Variants in LLGL2 observed in about 807,000 individuals in gnomAD.
LLGL2 encodes the protein LLGL scribble cell polarity complex component 2.
A neutral mutation model predicts 123.2 loss-of-function variants in LLGL2; 81 were observed. The ratio of observed to expected loss-of-function variants is 0.66; its 90% CI spans 0.55 to 0.79. The LOEUF (loss-of-function observed/expected upper bound fraction) is 0.79. Among genes scored for constraint, LLGL2 ranks in the 30% least tolerant of loss-of-function variants. The pLI, the probability that LLGL2 is intolerant of heterozygous loss-of-function variation, is 0.00. For missense variants in LLGL2, 1,273 were observed against 1,414.6 expected (o/e 0.90, Z 1.61); for synonymous variants, 577 against 594.1 (o/e 0.97, Z 0.42).
chr17:75,571,868 C>T, intron 18 of LLGL2, 30 bp from the exon 19 acceptor site: 3 of 1,609,506 alleles, frequency 1.9e-6, no homozygotes, highest in Non-Finnish European at 2.5e-6. Flanking sequence ...CACCCCCTCA[C>T]CAGCCCCAAC....
intron 2 of LLGL2, among the ~76,000 whole-genome samples, chr17:75,554,946 C>T (rs192342916): frequency 1.4e-3 from 211 of 147,228 alleles, no homozygotes; most frequent in African/African-American, 5.0e-3. Flanking sequence ...AATCCTAGCA[C>T]TTTGGGAGGC....
intron 1 of LLGL2, among the ~76,000 whole-genome samples, chr17:75,541,493 A>G (rs895771950): frequency 3.3e-5 from 5 of 152,174 alleles, no homozygotes; most frequent in African/African-American, 1.2e-4. Context: ...ACCTTGGATC[A>G]AGTGGGCCCT....
chr17:75,537,809 CT>C lies in LLGL2; in HGVS notation c.-30-5569del, dbSNP rs563954111. On this transcript the variant is annotated intron_variant, in intron 1 of 25. Transcript: ENST00000392550. ...ATGGGAAGGCTTTTTGGAAGGTGAC[CT>C]TTTTTTTTTTTTTTTTTTGAGACAG... is the stretch of plus-strand genomic sequence containing the variant. 5.3e-3 allele frequency among the ~76,000 whole-genome samples: 696 copies of C among 130,184 alleles called. 4 individuals are homozygous for C. The highest frequency in any genetic ancestry group is 8.4e-3 in the African/African-American group (286 of 34,170). The allele number at this position is 130,184 out of a possible 152,430, so 85.4% of individuals were successfully genotyped here.
chr17:75,532,137 A>G lies in LLGL2; in HGVS notation c.-31+6312A>G, dbSNP rs977929088. 8.4e-5 allele frequency among the ~76,000 whole-genome samples: 12 copies of G among 142,250 alleles called. No individual in the cohort carries two copies. In the South Asian group the frequency reaches 1.1e-3, roughly 13 times the overall value. The allele number at this position is 142,250 out of a possible 152,430, so 93.3% of individuals were successfully genotyped here. A position where few individuals can be genotyped will look rare whatever the true frequency, so the allele number is the denominator to read the frequency against. ...ACTCTGTGGCCCAGGTTGGAGTGCA[A>G]TGGCATGATTTCGGCTCACTGCAGT... On this transcript the variant is annotated intron_variant, in intron 1 of 25. Transcript: ENST00000392550.
At chr17:75,550,365 C>T (rs564502153) in intron 2 of LLGL2, among the ~76,000 whole-genome samples, 19 of 152,136 alleles carry the variant, frequency 1.2e-4, no homozygotes, top group African/African-American at 4.3e-4. Context: ...TGTTCCTGAA[C>T]CCTAAACAAG....
chr17:75,541,389 A>G (rs1465623949), intron 1 of LLGL2, among the ~76,000 whole-genome samples: 8 of 152,160 alleles, frequency 5.3e-5, no homozygotes, highest in Admixed American at 4.6e-4. Context: ...CCAGGCTGCA[A>G]TGCTGGGCCA....
At chr17:75,560,802 T>TAAAAAAAA (rs372940306) in intron 6 of LLGL2, among the ~76,000 whole-genome samples, 21 of 96,118 alleles carry the variant, frequency 2.2e-4, no homozygotes, top group Middle Eastern at 8.6e-3. Context: ...GTTTATTTAT[T>TAAAAAAAA]AAAAAAAAAA....
rs1404624901 is a variant in LLGL2, at chr17:75,574,230, G to C, written c.2923G>C (p.Val975Leu). 1 of 1,500,676 alleles carries C rather than the reference G, an allele frequency of 6.7e-7. No homozygotes were observed. The highest frequency in any genetic ancestry group is 2.6e-5 in the East Asian group (1 of 38,404). 93.0% of individuals were successfully genotyped at this position (1,500,676 alleles called of 1,614,324 possible). The change falls in exon 23 of 26, where the codon GTG becomes CTG. Residue 975 changes from valine to leucine, a missense_variant. Physicochemically the swap from Val to Leu is conservative, Grantham distance 32. Coordinates refer to ENST00000392550, the MANE Select transcript of LLGL2 (RefSeq NM_001031803.2). ...SDGEEKQPGL[V>L]MERALLSDER... is the part of the protein sequence containing the mutation. ...CCTTCCAGAGAAGCAGCCCGGCCTG[G>C]TGATGGAGCGCGCTCTGCTCAGTGA...
chr17:75,569,304 T>TGTGGCAGGCACGGCAGGGCAG lies in LLGL2; in HGVS notation c.1563_1581+2dup, dbSNP rs1433734281. On this transcript the variant is annotated inframe_insertion, in exon 14 of 26. Coordinates refer to ENST00000392550, the MANE Select transcript of LLGL2 (RefSeq NM_001031803.2). ...TCTGCAAGTACAGCGGCTACCTGGC[T>TGTGGCAGGCACGGCAGGGCAG]GTGGCAGGCACGGCAGGGCAGGTAG... 19 of 1,613,218 alleles carry TGTGGCAGGCACGGCAGGGCAG rather than the reference T, an allele frequency of 1.2e-5. No individual in the cohort carries two copies. Among genetic ancestry groups the TGTGGCAGGCACGGCAGGGCAG allele is most frequent in the Non-Finnish European group, 1.4e-5 (17 of 1,179,950 alleles).
chr17:75,564,247 CCTGCT>C lies in LLGL2; in HGVS notation c.882-104_882-100del. 1 of 1,519,388 alleles carries C rather than the reference CCTGCT, an allele frequency of 6.6e-7. No individual in the cohort carries two copies. Among genetic ancestry groups the C allele is most frequent in the Non-Finnish European group, 8.8e-7 (1 of 1,138,826 alleles). 94.1% of individuals were successfully genotyped at this position (1,519,388 alleles called of 1,614,324 possible). On this transcript the variant is annotated intron_variant, in intron 9 of 25. Coordinates refer to ENST00000392550, the MANE Select transcript of LLGL2 (RefSeq NM_001031803.2). This position sits in a 1 kb window ranked among gnomAD's most constrained non-coding sequence, Gnocchi z 4.9. ...TGGAAGGAGATGGGGTCCAGTCTCCCCTGCTCCTGGGGACCTTGACTGAGTGGTGA... is the reference window on the plus strand; with the variant it reads ...TGGAAGGAGATGGGGTCCAGTCTCCCCCTGGGGACCTTGACTGAGTGGTGA...
chr17:75,567,647 AAG>A (rs1345681250), intron 10 of LLGL2, among the ~76,000 whole-genome samples: 2 of 151,796 alleles, frequency 1.3e-5, no homozygotes, highest in East Asian at 1.9e-4. Context: ...TCAAAAAAAA[AAG>A]AGAAAAAAAA....
rs1020246160 is a variant in LLGL2 at position 75,535,649 on chromosome 17, C to T, written c.-30-7748C>T. Among the ~76,000 whole-genome samples the T allele has an allele frequency of 2.2e-4, 33 of 152,232 alleles. 1 individual carries two copies. The highest frequency in any genetic ancestry group is 6.3e-4 in the African/African-American group (26 of 41,472). On this transcript the variant is annotated intron_variant, in intron 1 of 25. Transcript: ENST00000392550. Reference sequence around the variant, plus strand: ...TCTGGCCTGGGGATCCCCTCTCCTCCGAGGCACAATCGCATCTGCCACTTA... The same window carrying T: ...TCTGGCCTGGGGATCCCCTCTCCTCTGAGGCACAATCGCATCTGCCACTTA...
At chr17:75,562,963 G>A in intron 6 of LLGL2, 53 bp from the exon 7 acceptor site, 16 of 1,597,860 alleles carry the variant, frequency 1.0e-5, no homozygotes, top group Non-Finnish European at 1.1e-5. Flanking sequence ...CATGCTGGGG[G>A]CCATTCCCCC....
intron 22 of LLGL2, 90 bp from the exon 23 acceptor site, chr17:75,574,123 G>T (rs1380637889): frequency 1.3e-6 from 2 of 1,536,954 alleles, no homozygotes; most frequent in East Asian, 4.9e-5. Context: ...CTGGGCCCTG[G>T]GCTTCCACAT....
intron 2 of LLGL2, among the ~76,000 whole-genome samples, chr17:75,550,064 G>A (rs572964115): frequency 3.4e-3 from 524 of 152,290 alleles, no homozygotes; most frequent in Middle Eastern, 6.8e-3. Flanking sequence ...TGGATGCCGC[G>A]CTTCGGAGGC....
At chr17:75,526,740 G>C (rs6501821) in intron 1 of LLGL2, among the ~76,000 whole-genome samples, 13,049 of 152,168 alleles carry the variant, frequency 0.086, 610 homozygotes, top group Non-Finnish European at 0.1. Flanking sequence ...TCTTGAAGGG[G>C]CTACAGAGAG....
At position 75,568,567 on chromosome 17, in the gene LLGL2, G is replaced by T. The variant is rs2055546017; in HGVS notation, c.1128G>T (p.Leu376=). 4 of 1,613,738 alleles carry T rather than the reference G, an allele frequency of 2.5e-6. No individual in the cohort carries two copies. The East Asian group carries it at 8.9e-5, about 36-fold the overall frequency. ...CAGCAGGCTGGCCACCGGTCCAGCT[G>T]CCCTACCTGGCTTCTCTGCACTGTT... ...LQTAGWPPVQ[L]PYLASLHCSA... Residue 376 remains leucine (L), a synonymous_variant, in exon 11 of 26, where the codon CTG becomes CTT. Transcript: ENST00000392550.
chr17:75,564,146 G>A lies in LLGL2; in HGVS notation c.882-207G>A, dbSNP rs1347760378. Among the ~76,000 whole-genome samples, 1 of 152,248 alleles carries A rather than the reference G, an allele frequency of 6.6e-6. No individual in the cohort carries two copies. The highest frequency in any genetic ancestry group is 1.5e-5 in the Non-Finnish European group (1 of 68,040). ...GGTGGGGGCACCCAGCATGAGGCAGGAGTGGCTGCTGAGACTCAGAGCCCC... is the reference window on the plus strand; with the variant it reads ...GGTGGGGGCACCCAGCATGAGGCAGAAGTGGCTGCTGAGACTCAGAGCCCC... On this transcript the variant is annotated intron_variant, in intron 9 of 25. Transcript: ENST00000392550. This position sits in a 1 kb window ranked among gnomAD's most constrained non-coding sequence, Gnocchi z 4.9.
chr17:75,544,894 T>C lies in LLGL2; in HGVS notation c.75+1393T>C, dbSNP rs112454420. 2.1e-3 allele frequency among the ~76,000 whole-genome samples: 313 copies of C among 152,216 alleles called. No homozygotes were observed. The highest frequency in any genetic ancestry group is 7.3e-3 in the African/African-American group (305 of 41,520). On this transcript the variant is annotated intron_variant, in intron 2 of 25. Coordinates refer to ENST00000392550, the MANE Select transcript of LLGL2 (RefSeq NM_001031803.2). The surrounding 1 kb of genome is among the most constrained non-coding windows in gnomAD (Gnocchi z 4.2). ...CTCCTGCCAGCTCGCTTTTGGGCCT[T>C]GGGATATGGGGGTGCAGGTGTTGGG...
Sources: gnomAD v4.1 joint callset for allele counts (sites outside exome capture counted in the v4.1 genomes callset) on GRCh38, gnomAD v4.1.1 for gene constraint, Gnocchi (gnomAD v3.1) non-coding constraint, MANE v1.5 for transcripts, NCBI Gene and HGNC (gene_info 2026-07-23, HGNC 2026-07-21) for gene names.